Variants in CRPPA observed in about 807,000 individuals in gnomAD.
CRPPA encodes D-ribitol-5-phosphate cytidylyltransferase.
CRPPA carries 43 observed loss-of-function variants against 52.0 expected under a neutral mutation model. The ratio of observed to expected loss-of-function variants is 0.83; its 90% CI spans 0.65 to 1.07. CRPPA has a LOEUF of 1.07. Among genes scored for constraint, CRPPA ranks in the 50% least tolerant of loss-of-function variants. CRPPA has a pLI of 0.00. For missense variants in CRPPA, 629 were observed against 551.7 expected (o/e 1.14, Z -1.40); for synonymous variants, 250 against 203.5 (o/e 1.23, Z -1.94).
At chr7:16,343,066 T>G (rs942051935) in intron 3 of CRPPA, among the ~76,000 whole-genome samples, 4 of 151,624 alleles carry the variant, frequency 2.6e-5, no homozygotes, top group African/African-American at 9.7e-5. Context: ...AAATGACACA[T>G]GCACAAAGCC....
At chr7:16,241,974 G>GTC (rs1562579536) in intron 8 of CRPPA, among the ~76,000 whole-genome samples, 1 of 71,750 alleles carries the variant, frequency 1.4e-5, no homozygotes, top group African/African-American at 3.7e-5. Context: ...TTTTTGTTGG[G>GTC]GGGAGATAGA....
intron 8 of CRPPA, among the ~76,000 whole-genome samples, chr7:16,248,278 G>T (rs1433143955): frequency 2.6e-5 from 4 of 152,172 alleles, no homozygotes; most frequent in African/African-American, 9.7e-5. Flanking sequence ...GGCTGAGTCT[G>T]CAGTGAGCCA....
rs1022162920 is a variant in CRPPA at position 16,296,593 on chromosome 7, TA to T, written c.835+4827del. On this transcript the variant is annotated intron_variant, in intron 5 of 9. Coordinates refer to ENST00000407010, the MANE Select transcript of CRPPA (RefSeq NM_001101426.4). Reference sequence around the variant, plus strand: ...GAAAAAACAGCTCAGGAAGGACACTTAAAAAAAAACAAACATGAAGCACTCA... The same window carrying T: ...GAAAAAACAGCTCAGGAAGGACACTTAAAAAAAACAAACATGAAGCACTCA... Among the ~76,000 whole-genome samples the T allele has an allele frequency of 4.7e-5, 7 of 149,432 alleles. No homozygotes were observed. In the South Asian group the frequency reaches 8.6e-4, roughly 18 times the overall value.
intron 9 of CRPPA, among the ~76,000 whole-genome samples, chr7:16,094,455 C>T (rs1781896162): frequency 6.6e-6 from 1 of 152,052 alleles, no homozygotes; most frequent in Non-Finnish European, 1.5e-5. Context: ...CCCAATGTAT[C>T]TTATAAAAGC....
chr7:16,360,397 C>T (rs1046648262), intron 3 of CRPPA, among the ~76,000 whole-genome samples: 14 of 152,100 alleles, frequency 9.2e-5, no homozygotes, highest in Admixed American at 6.5e-4. Flanking sequence ...TACTTTATCA[C>T]TCCAAATAAC....
At chr7:16,289,048 A>G (rs990354760) in intron 5 of CRPPA, among the ~76,000 whole-genome samples, 1 of 152,056 alleles carries the variant, frequency 6.6e-6, no homozygotes, top group Non-Finnish European at 1.5e-5. Context: ...ACAGAAATAC[A>G]GAGGATGATG....
chr7:16,319,879 C>T (rs1785220652), intron 3 of CRPPA, among the ~76,000 whole-genome samples: 1 of 152,142 alleles, frequency 6.6e-6, no homozygotes, highest in Non-Finnish European at 1.5e-5. Context: ...GATCAGACTG[C>T]TTAAACAGTT....
At chr7:16,107,249 G>A (rs552424822) in intron 9 of CRPPA, among the ~76,000 whole-genome samples, 4 of 152,222 alleles carry the variant, frequency 2.6e-5, no homozygotes, top group South Asian at 4.1e-4. Flanking sequence ...GGGGATGCAT[G>A]CCAACACCCA....
At chr7:16,129,909 A>T (rs571848780) in intron 9 of CRPPA, among the ~76,000 whole-genome samples, 5 of 152,160 alleles carry the variant, frequency 3.3e-5, no homozygotes, top group Non-Finnish European at 5.9e-5. Flanking sequence ...AACCCTTCTG[A>T]CACATAAACA....
chr7:16,239,975 A>C (rs762170741), intron 8 of CRPPA, among the ~76,000 whole-genome samples: 12 of 152,100 alleles, frequency 7.9e-5, no homozygotes, highest in African/African-American at 1.4e-4. Flanking sequence ...AAAAGAATGA[A>C]TACTAGCGAG....
At chr7:16,327,845 C>G (rs189970686) in intron 3 of CRPPA, among the ~76,000 whole-genome samples, 7 of 152,258 alleles carry the variant, frequency 4.6e-5, no homozygotes, top group Admixed American at 1.3e-4. Context: ...AACACATACT[C>G]CTTCTGCTTG....
At chr7:16,362,732 G>A (rs550317321) in intron 3 of CRPPA, among the ~76,000 whole-genome samples, 4 of 152,246 alleles carry the variant, frequency 2.6e-5, no homozygotes, top group South Asian at 2.1e-4. Context: ...ATTGTATTAA[G>A]TTTAAGAAAT....
chr7:16,339,691 C>G (rs1203366167), intron 3 of CRPPA, among the ~76,000 whole-genome samples: 1 of 152,092 alleles, frequency 6.6e-6, no homozygotes, highest in Non-Finnish European at 1.5e-5. Flanking sequence ...GAATTCTTAG[C>G]TAATGAAATA....
intron 8 of CRPPA, among the ~76,000 whole-genome samples, chr7:16,234,644 T>A (rs551520780): frequency 6.6e-6 from 1 of 152,156 alleles, no homozygotes; most frequent in African/African-American, 2.4e-5. Flanking sequence ...CCTTCTTTTC[T>A]GCAAGTCATC....
At chr7:16,246,690 A>G (rs1783284777) in intron 8 of CRPPA, among the ~76,000 whole-genome samples, 1 of 152,238 alleles carries the variant, frequency 6.6e-6, no homozygotes, top group Non-Finnish European at 1.5e-5. Context: ...AACTAGGTAC[A>G]TTGTCAATAA....
intron 8 of CRPPA, among the ~76,000 whole-genome samples, chr7:16,222,878 T>G (rs1782558583): frequency 6.6e-6 from 1 of 152,218 alleles, no homozygotes; most frequent in Non-Finnish European, 1.5e-5. Context: ...GCATAGAATG[T>G]GTATTGATCA....
At chr7:16,340,562 T>A (rs1785796924) in intron 3 of CRPPA, among the ~76,000 whole-genome samples, 1 of 132,142 alleles carries the variant, frequency 7.6e-6, no homozygotes, top group African/African-American at 2.9e-5. Context: ...ATGGCCAAAA[T>A]CCACAACATT....
At chr7:16,229,746 T>C (rs1327009365) in intron 8 of CRPPA, among the ~76,000 whole-genome samples, 1 of 152,154 alleles carries the variant, frequency 6.6e-6, no homozygotes, top group Non-Finnish European at 1.5e-5. Flanking sequence ...TTTTCAAATG[T>C]TTTCATATTA....
chr7:16,340,238 A>G (rs1785787349), intron 3 of CRPPA, among the ~76,000 whole-genome samples: 1 of 152,110 alleles, frequency 6.6e-6, no homozygotes, highest in Non-Finnish European at 1.5e-5. Flanking sequence ...ACATGAAAAA[A>G]TTGGTACACT....
Sources: gnomAD v4.1 joint callset for allele counts (sites outside exome capture counted in the v4.1 genomes callset) on GRCh38, gnomAD v4.1.1 for gene constraint, MANE v1.5 for transcripts, NCBI Gene and HGNC (gene_info 2026-07-23, HGNC 2026-07-21) for gene names.